The following HMGCLL1 variants were observed in gnomAD, a reference collection of about 807,000 sequenced individuals.
HMGCLL1 encodes 3-hydroxymethyl-3-methylglutaryl-CoA lyase, cytoplasmic.
HMGCLL1 carries 36 observed loss-of-function variants against 39.1 expected under a neutral mutation model. The observed-to-expected ratio is 0.92, with a 90% CI of 0.71 to 1.22. The LOEUF is 1.22. Among genes scored for constraint, HMGCLL1 ranks in the 50% most tolerant of loss-of-function variants. The pLI is 0.00. For synonymous variants in HMGCLL1, 149 were observed against 144.0 expected, an observed-to-expected ratio of 1.03 and a Z score of -0.25; for missense variants, 451 against 416.5, an observed-to-expected ratio of 1.08 and a Z score of -0.72.
At chr6:55,652,643 G>T in the HMGCLL1 span, among the ~76,000 whole-genome samples, 1 of 152,048 alleles carries the variant, frequency 6.6e-6, no homozygotes, top group Non-Finnish European at 1.5e-5. Flanking sequence ...TCTGCAGTTT[G>T]TCTAACATTG....
At chr6:55,454,939 C>T (rs1401451168) in intron 7 of HMGCLL1, among the ~76,000 whole-genome samples, 2 of 151,914 alleles carry the variant, frequency 1.3e-5, no homozygotes, top group Non-Finnish European at 2.9e-5. Flanking sequence ...ATTATGTATG[C>T]TATTAAGTAC....
chr6:55,650,134 T>TA, the HMGCLL1 span, among the ~76,000 whole-genome samples: 2 of 53,350 alleles, frequency 3.7e-5, no homozygotes, highest in Non-Finnish European at 7.2e-5. Flanking sequence ...TATATATATA[T>TA]ACACACACAC....
At chr6:55,678,572 G>A in the HMGCLL1 span, among the ~76,000 whole-genome samples, 5 of 151,976 alleles carry the variant, frequency 3.3e-5, no homozygotes, top group East Asian at 1.9e-4. Flanking sequence ...AGGAACCATC[G>A]AGAGAAGGGG....
rs1296382164 is a variant in HMGCLL1 at position 55,477,254 on chromosome 6, AATATATATT to A, written c.795+18156_795+18164del. ...TATATATTATATTTATATAATATAT[AATATATATT>A]ATATAATATATATTATATATTATAT... On this transcript the variant is annotated intron_variant, in intron 7 of 8. Coordinates refer to ENST00000274901, the MANE Select transcript of HMGCLL1 (RefSeq NM_001042406.2). Among the ~76,000 whole-genome samples the A allele has an allele frequency of 6.5e-4, 17 of 25,994 alleles. 1 individual carries two copies. The highest frequency in any genetic ancestry group is 2.5e-3 in the East Asian group (1 of 398). The allele number at this position is 25,994 out of a possible 152,430, so 17.1% of individuals were successfully genotyped here.
the HMGCLL1 span, among the ~76,000 whole-genome samples, chr6:55,650,734 G>C: frequency 6.6e-6 from 1 of 152,054 alleles, no homozygotes; most frequent in South Asian, 2.1e-4. Context: ...CTGTTGTTAA[G>C]CTGGCACTCA....
chr6:55,629,348 TA>T, the HMGCLL1 span, among the ~76,000 whole-genome samples: 1 of 152,118 alleles, frequency 6.6e-6, no homozygotes, highest in Non-Finnish European at 1.5e-5. Flanking sequence ...GATGATTTAG[TA>T]TATCTGGCAG....
At chr6:55,481,637 A>C (rs536588662) in intron 7 of HMGCLL1, among the ~76,000 whole-genome samples, 1 of 150,676 alleles carries the variant, frequency 6.6e-6, no homozygotes, top group Non-Finnish European at 1.5e-5. Context: ...AGCATGCCCT[A>C]TTTCAAGGGG....
chr6:55,552,414 A>C (rs929784285), intron 1 of HMGCLL1, among the ~76,000 whole-genome samples: 1 of 152,002 alleles, frequency 6.6e-6, no homozygotes, highest in East Asian at 1.9e-4. Flanking sequence ...TATTATCTAA[A>C]TTCAGGTATC....
At chr6:55,558,325 A>G (rs1202418800) in intron 1 of HMGCLL1, among the ~76,000 whole-genome samples, 5 of 152,196 alleles carry the variant, frequency 3.3e-5, no homozygotes, top group African/African-American at 1.2e-4. Flanking sequence ...ATGCACTATC[A>G]CTTTTTAAAA....
At position 55,445,273 on chromosome 6, in the gene HMGCLL1, G is replaced by A. The variant is rs571246606; in HGVS notation, c.796-5714C>T. Among the ~76,000 whole-genome samples the A allele has an allele frequency of 3.5e-3, 528 of 151,510 alleles. 2 individuals carry two copies. The highest frequency in any genetic ancestry group is 6.9e-3 in the Middle Eastern group (2 of 290). On this transcript the variant is annotated intron_variant, in intron 7 of 8. Transcript: ENST00000274901. ...TATCCTTATACTAAATTATATGCTC[G>A]TTTTTCTAAACGAGCTGCTTTGGAA...
chr6:55,676,315 G>A, the HMGCLL1 span, among the ~76,000 whole-genome samples: 2 of 152,114 alleles, frequency 1.3e-5, no homozygotes, highest in South Asian at 4.1e-4. Context: ...CTAGAGACAA[G>A]TATAGCAAAT....
chr6:55,536,548 T>C (rs1307201095), intron 3 of HMGCLL1, among the ~76,000 whole-genome samples: 1 of 152,218 alleles, frequency 6.6e-6, no homozygotes, highest in Non-Finnish European at 1.5e-5. Context: ...CAATAAACTT[T>C]ATCTATTTTT....
chr6:55,444,313 C>G (rs1239657840), intron 7 of HMGCLL1, among the ~76,000 whole-genome samples: 1 of 151,846 alleles, frequency 6.6e-6, no homozygotes, highest in Non-Finnish European at 1.5e-5. Flanking sequence ...TTAACAAATC[C>G]TAGAAAATAA....
upstream of HMGCLL1, among the ~76,000 whole-genome samples, chr6:55,583,530 CT>C (rs1772020768): frequency 6.6e-6 from 1 of 151,802 alleles, no homozygotes; most frequent in Admixed American, 6.6e-5. Context: ...TGAACTCATC[CT>C]TTTTTATGGC....
chr6:55,438,487 T>C, intron 8 of HMGCLL1, among the ~76,000 whole-genome samples: 1 of 152,004 alleles, frequency 6.6e-6, no homozygotes, highest in East Asian at 1.9e-4. Flanking sequence ...GACCTAACAG[T>C]TTGACCTGGG....
At chr6:55,539,208 GAC>G (rs932164266) in intron 3 of HMGCLL1, among the ~76,000 whole-genome samples, 4 of 152,140 alleles carry the variant, frequency 2.6e-5, no homozygotes, top group African/African-American at 9.7e-5. Context: ...GCCAGGTATA[GAC>G]AGTCTTGAAT....
At chr6:55,506,037 C>T (rs1368623191) in intron 5 of HMGCLL1, among the ~76,000 whole-genome samples, 7 of 151,638 alleles carry the variant, frequency 4.6e-5, no homozygotes, top group Non-Finnish European at 8.9e-5. Context: ...ATAGAGTAAA[C>T]TGCTGAACTA....
intron 7 of HMGCLL1, among the ~76,000 whole-genome samples, chr6:55,454,930 T>C (rs1010965309): frequency 7.9e-5 from 12 of 152,208 alleles, no homozygotes; most frequent in Admixed American, 3.3e-4. Flanking sequence ...ATATAAAATA[T>C]TATGTATGCT....
At chr6:55,540,653 A>C (rs1304146154) in intron 3 of HMGCLL1, among the ~76,000 whole-genome samples, 2 of 152,172 alleles carry the variant, frequency 1.3e-5, no homozygotes, top group Non-Finnish European at 1.5e-5. Flanking sequence ...TCCCTAAGTG[A>C]CTACGACAGT....
Sources: allele counts gnomAD v4.1 joint callset (sites outside exome capture counted in the v4.1 genomes callset), GRCh38; gene constraint gnomAD v4.1.1; transcripts MANE v1.5; gene names NCBI Gene and HGNC (gene_info 2026-07-23, HGNC 2026-07-21).